GALNT18: variants seen among roughly 807,000 people sequenced by gnomAD.
GALNT18 encodes the protein GalNAc-transferase 18.
GALNT18 carries 44 observed loss-of-function variants against 69.5 expected under a neutral mutation model. That is an observed-to-expected ratio of 0.63 (90% CI 0.50 to 0.81). The LOEUF (loss-of-function observed/expected upper bound fraction) is 0.81. GALNT18 is among the 40% of genes least tolerant of loss of function. The pLI is 0.00. For missense variants in GALNT18, 715 were observed against 810.0 expected (o/e 0.88, Z 1.42); for synonymous variants, 364 against 318.2 (o/e 1.14, Z -1.53).
At chr11:11,273,574 AC>A (rs1233180640) in intron 10 of GALNT18, among the ~76,000 whole-genome samples, 2 of 152,124 alleles carry the variant, frequency 1.3e-5, no homozygotes, top group Admixed American at 1.3e-4. Flanking sequence ...AGAAAAGGAA[AC>A]CTTTGTACAT....
intron 3 of GALNT18, among the ~76,000 whole-genome samples, chr11:11,418,064 C>T (rs1854906713): frequency 6.6e-6 from 1 of 152,204 alleles, no homozygotes; most frequent in South Asian, 2.1e-4. Flanking sequence ...TACTAAATGG[C>T]TCTGTGCTCA....
At chr11:11,462,443 AT>A in intron 1 of GALNT18, among the ~76,000 whole-genome samples, 1 of 151,258 alleles carries the variant, frequency 6.6e-6, no homozygotes, top group East Asian at 1.9e-4. Flanking sequence ...CACCCGGCTA[AT>A]TTTTTATTTA....
intron 1 of GALNT18, among the ~76,000 whole-genome samples, chr11:11,471,386 G>A (rs1260771275): frequency 6.6e-6 from 1 of 152,218 alleles, no homozygotes; most frequent in Non-Finnish European, 1.5e-5. Context: ...AGTGAGTCAT[G>A]TAGGACTGGT....
chr11:11,445,408 T>C (rs1275210875), intron 2 of GALNT18, among the ~76,000 whole-genome samples: 1 of 152,246 alleles, frequency 6.6e-6, no homozygotes, highest in African/African-American at 2.4e-5. Flanking sequence ...TATAAATGTT[T>C]GCCAGTGTCG....
intron 8 of GALNT18, among the ~76,000 whole-genome samples, chr11:11,331,339 G>A (rs1454163688): frequency 6.6e-6 from 1 of 152,124 alleles, no homozygotes; most frequent in Non-Finnish European, 1.5e-5. Flanking sequence ...CTACAATCTG[G>A]CCTTCTGGCT....
In GALNT18 at chr11:11,435,627, C is replaced by G. The variant is rs567907275; in HGVS notation, c.429-2840G>C. Among the ~76,000 whole-genome samples, 3 of 152,194 alleles carry G rather than the reference C, an allele frequency of 2.0e-5. No individual in the cohort carries two copies. The highest frequency in any genetic ancestry group is 4.4e-5 in the Non-Finnish European group (3 of 68,036). On this transcript the variant is annotated intron_variant, in intron 2 of 10. Transcript: ENST00000227756. The surrounding 1 kb of genome is among the most constrained non-coding windows in gnomAD (Gnocchi z 4.4). Reference sequence around the variant, plus strand: ...TGTGCTGTCTCCCAACCTTGGACCACAGTCTGGCACTTAGTAGGCACTCCA... The same window carrying G: ...TGTGCTGTCTCCCAACCTTGGACCAGAGTCTGGCACTTAGTAGGCACTCCA...
At position 11,500,603 on chromosome 11, in the gene GALNT18, C is replaced by A. The variant is rs1856955372; in HGVS notation, c.236-51667G>T. 6.6e-6 allele frequency among the ~76,000 whole-genome samples: 1 copy of A among 152,110 alleles called. No individual in the cohort carries two copies. Among genetic ancestry groups the A allele is most frequent in the South Asian group, 2.1e-4 (1 of 4,816 alleles). ...TCATCATCCTGCAGGATACAGGACACCTCCCATGACAAAGAAGGATCCAGT... is the reference window on the plus strand; with the variant it reads ...TCATCATCCTGCAGGATACAGGACAACTCCCATGACAAAGAAGGATCCAGT... On this transcript the variant is annotated intron_variant, in intron 1 of 10. Coordinates refer to ENST00000227756, the MANE Select transcript of GALNT18 (RefSeq NM_198516.3). This position sits in a 1 kb window ranked among gnomAD's most constrained non-coding sequence, Gnocchi z 5.0.
chr11:11,377,408 G>GTAAC lies in GALNT18; in HGVS notation c.780-33_780-30dup, dbSNP rs747363131. On this transcript the variant is annotated intron_variant, in intron 4 of 10. Transcript: ENST00000227756. The surrounding 1 kb of genome is among the most constrained non-coding windows in gnomAD (Gnocchi z 4.6). The stretch of plus-strand genomic sequence containing the variant: ...GGCAGAGAGGAGACAGCCAGAGAGG[G>GTAAC]TAACCATTTCCAAGGTGGAAAAATC... The GTAAC allele has an allele frequency of 3.1e-6, 5 of 1,607,044 alleles. No individual in the cohort carries two copies. The highest frequency in any genetic ancestry group is 4.3e-6 in the Non-Finnish European group (5 of 1,174,654).
At chr11:11,312,232 AG>A (rs1392820785) in intron 9 of GALNT18, among the ~76,000 whole-genome samples, 1 of 152,160 alleles carries the variant, frequency 6.6e-6, no homozygotes, top group Non-Finnish European at 1.5e-5. Flanking sequence ...TACAGTCGTG[AG>A]CCACCACGCC....
Position 11,432,748 on chromosome 11 carries a change from C to T in GALNT18, c.468G>A (p.Val156=). ...NLSFPDSLPE[V]SIVFIFVNEA... ...CATTGACGAAGATGAACACGATGCT[C>T]ACCTCTGGCAGGCTGTCAGGAAATG... is the stretch of plus-strand genomic sequence containing the variant. Residue 156 remains valine, a synonymous_variant, in exon 3 of 11, where the codon GTG becomes GTA. Transcript: ENST00000227756. The surrounding 1 kb of genome is among the most constrained non-coding windows in gnomAD (Gnocchi z 5.8). 2 of 1,614,134 alleles carry T rather than the reference C, an allele frequency of 1.2e-6. No individual in the cohort carries two copies. The highest frequency in any genetic ancestry group is 2.2e-5 in the South Asian group (2 of 91,052).
intron 3 of GALNT18, among the ~76,000 whole-genome samples, chr11:11,429,759 T>C (rs1432476067): frequency 1.3e-5 from 2 of 152,176 alleles, no homozygotes; most frequent in Non-Finnish European, 2.9e-5. Flanking sequence ...CTTCACACCA[T>C]GCACTGGACA....
intron 3 of GALNT18, among the ~76,000 whole-genome samples, chr11:11,394,160 A>C (rs897167080): frequency 6.6e-6 from 1 of 152,220 alleles, no homozygotes; most frequent in African/African-American, 2.4e-5. Context: ...CAACCTCTGC[A>C]GGGGATTCAG....
chr11:11,374,457 ACAT>A (rs1850989688), intron 5 of GALNT18, among the ~76,000 whole-genome samples: 1 of 152,244 alleles, frequency 6.6e-6, no homozygotes, highest in South Asian at 2.1e-4. Context: ...TGATTCAGAA[ACAT>A]CAGGCTGGCA....
At chr11:11,369,316 T>C (rs1564913737) in intron 6 of GALNT18, among the ~76,000 whole-genome samples, 1 of 152,178 alleles carries the variant, frequency 6.6e-6, no homozygotes, top group Admixed American at 6.5e-5. Context: ...CCCAACCCTC[T>C]AGGGAAGGAT....
At chr11:11,570,717 T>G (rs1858774698) in intron 1 of GALNT18, among the ~76,000 whole-genome samples, 1 of 152,228 alleles carries the variant, frequency 6.6e-6, no homozygotes. Context: ...TACTGACCCA[T>G]TTAATATCAG....
At chr11:11,577,784 G>A (rs1214304237) in intron 1 of GALNT18, among the ~76,000 whole-genome samples, 1 of 152,198 alleles carries the variant, frequency 6.6e-6, no homozygotes, top group Admixed American at 6.5e-5. Context: ...TCATTAGGAA[G>A]ATCATTGGTT....
intron 3 of GALNT18, among the ~76,000 whole-genome samples, chr11:11,392,289 C>T (rs559773668): frequency 9.9e-5 from 15 of 152,242 alleles, no homozygotes; most frequent in South Asian, 2.1e-4. Context: ...CTGGAAAATA[C>T]GCAGAAAAAA....
At chr11:11,577,405 T>C (rs2133900641) in intron 1 of GALNT18, among the ~76,000 whole-genome samples, 1 of 152,200 alleles carries the variant, frequency 6.6e-6, no homozygotes, top group East Asian at 1.9e-4. Flanking sequence ...CTGAACCTTC[T>C]CCGTCCACTC....
rs3221469 is a variant in GALNT18, at chr11:11,497,371, C to CACA, written c.236-48436_236-48435insTGT. On this transcript the variant is annotated intron_variant, in intron 1 of 10. Transcript: ENST00000227756. The surrounding 1 kb of genome is among the most constrained non-coding windows in gnomAD (Gnocchi z 4.2). The stretch of plus-strand genomic sequence containing the variant: ...ACACACACACACACACACACACACA[C>CACA]CCCTTAGAATGGGGCTCCTTAAGAG... Among the ~76,000 whole-genome samples, 4 of 131,854 alleles carry CACA rather than the reference C, an allele frequency of 3.0e-5. No individual in the cohort carries two copies. The highest frequency in any genetic ancestry group is 2.4e-4 in the South Asian group (1 of 4,144). 86.5% of individuals were successfully genotyped at this position (131,854 alleles called of 152,430 possible). A position where few individuals can be genotyped will look rare whatever the true frequency, so the allele number is the denominator to read the frequency against.
Sources: allele counts gnomAD v4.1 joint callset (sites outside exome capture counted in the v4.1 genomes callset), GRCh38; gene constraint gnomAD v4.1.1; non-coding constraint Gnocchi (gnomAD v3.1); transcripts MANE v1.5; gene names NCBI Gene and HGNC (gene_info 2026-07-23, HGNC 2026-07-21).